Variants in PCLO observed in about 807,000 individuals in gnomAD.
PCLO encodes piccolo presynaptic cytomatrix protein.
PCLO carries 82 observed loss-of-function variants against 427.5 expected under a neutral mutation model. That is an observed-to-expected ratio of 0.19 (90% confidence interval 0.16 to 0.23). PCLO has a LOEUF of 0.23. Among genes scored for constraint, PCLO ranks in the 10% least tolerant of loss-of-function variants. PCLO has a pLI of 1.00. For synonymous variants in PCLO, 2,357 were observed against 2,155.4 expected (o/e 1.09, Z -2.59); for missense variants, 6,239 against 6,115.9 (o/e 1.02, Z -0.67).
At chr7:82,836,457 T>A (rs1792235766) in intron 15 of PCLO, among the ~76,000 whole-genome samples, 1 of 152,118 alleles carries the variant, frequency 6.6e-6, no homozygotes. Context: ...TATATATAGA[T>A]ATAAATGAAT....
At chr7:82,883,588 T>C (rs1052452114) in intron 9 of PCLO, among the ~76,000 whole-genome samples, 1 of 152,042 alleles carries the variant, frequency 6.6e-6, no homozygotes, top group Non-Finnish European at 1.5e-5. Context: ...TAACAATCCA[T>C]ATTTTACAGT....
chr7:82,897,772 CA>C (rs1339977033), intron 9 of PCLO, among the ~76,000 whole-genome samples: 2 of 151,412 alleles, frequency 1.3e-5, no homozygotes, highest in East Asian at 3.9e-4. Flanking sequence ...ATGCTGTACA[CA>C]TTTTTTTAAT....
intron 24 of PCLO, 80 bp from the exon 25 acceptor site, chr7:82,758,795 A>G: frequency 1.2e-6 from 1 of 825,842 alleles, no homozygotes; most frequent in South Asian, 1.7e-5. Flanking sequence ...TTTTAAGGAC[A>G]TTTAATCATC....
intron 16 of PCLO, among the ~76,000 whole-genome samples, chr7:82,829,292 C>A (rs1792030700): frequency 6.6e-6 from 1 of 152,128 alleles, no homozygotes; most frequent in Non-Finnish European, 1.5e-5. Context: ...GTGGGTCAGT[C>A]AACCCTCCAC....
chr7:83,079,054 A>G (rs1342002855), intron 3 of PCLO, among the ~76,000 whole-genome samples: 1 of 152,160 alleles, frequency 6.6e-6, no homozygotes, highest in East Asian at 1.9e-4. Context: ...ATACAAATTT[A>G]TAATAAATAA....
At chr7:83,097,960 T>C (rs1790637848) in intron 3 of PCLO, among the ~76,000 whole-genome samples, 1 of 152,142 alleles carries the variant, frequency 6.6e-6, no homozygotes, top group Non-Finnish European at 1.5e-5. Context: ...TCTGCATTTA[T>C]AATGTGACAC....
At chr7:83,102,294 G>A (rs10247382) in intron 3 of PCLO, among the ~76,000 whole-genome samples, 154 of 151,834 alleles carry the variant, frequency 1.0e-3, no homozygotes, top group African/African-American at 3.6e-3. Context: ...ATTTGTCTAC[G>A]TGATTGAAAA....
chr7:83,096,803 TAATATTATATAATATAAATATATAAAA>T (rs1167782017), intron 3 of PCLO, among the ~76,000 whole-genome samples: 646 of 89,528 alleles, frequency 7.2e-3, no homozygotes, highest in Non-Finnish European at 9.5e-3. Flanking sequence ...AAAAATATAT[TAATATTATATAATATAAATATATAAAA>T]ATATATTATA....
chr7:83,074,189 C>A (rs12707541), intron 3 of PCLO, among the ~76,000 whole-genome samples: 70,677 of 151,542 alleles, frequency 0.47, 16,634 homozygotes, highest in Middle Eastern at 0.5. Context: ...GTGTGAAATA[C>A]ATTTACTATT....
rs1795381871 is a variant in PCLO, at chr7:82,952,525, T to C, written c.8428A>G (p.Thr2810Ala). Residue 2810 changes from threonine to alanine, a missense_variant, in exon 5 of 25, where the codon ACA becomes GCA. By Grantham distance (58) the Thr-to-Ala change is moderately conservative. This residue lies in a region of PCLO where 4,677 missense variants were observed against 4,468.4 expected (regional missense o/e 1.05). Transcript: ENST00000333891. ...TGTTCTGCACCCACTAGGCTTTCTG[T>C]GCCTGTAGTGTAACTTGCACTAGCT... ...CTASASYTTGTESLVGAEHAM... is the reference protein window; with the variant it reads ...CTASASYTTGAESLVGAEHAM... 7 of 1,613,834 alleles carry C rather than the reference T, an allele frequency of 4.3e-6. No homozygotes were observed. Among genetic ancestry groups the C allele is most frequent in the Non-Finnish European group, 3.4e-6 (4 of 1,179,864 alleles).
chr7:82,914,463 A>G (rs1039763098), intron 7 of PCLO: 1 of 618,412 alleles, frequency 1.6e-6, no homozygotes, highest in Non-Finnish European at 2.9e-6. Context: ...AACAATCAAG[A>G]AACAGAACAA....
chr7:83,162,678 C>A lies in PCLO; in HGVS notation c.-86G>T. 3 of 1,445,646 alleles carry A rather than the reference C, an allele frequency of 2.1e-6. No homozygotes were observed. Among genetic ancestry groups the A allele is most frequent in the Non-Finnish European group, 2.7e-6 (3 of 1,101,558 alleles). 89.6% of individuals were successfully genotyped at this position (1,445,646 alleles called of 1,614,324 possible). A position where few individuals can be genotyped will look rare whatever the true frequency, so the allele number is the denominator to read the frequency against. ...CCGCGGCCAGGGGAGCAGTCAGAGC[C>A]GGGGTCCGCCTCGGGGCGTGCAGGC... On this transcript the variant is annotated 5_prime_UTR_variant, in exon 1 of 25. Coordinates refer to ENST00000333891, the MANE Select transcript of PCLO (RefSeq NM_033026.6).
In PCLO at chr7:82,965,890, A is replaced by T. The variant is rs1174934975; in HGVS notation, c.3898T>A (p.Ser1300Thr). 1 of 1,613,776 alleles carries T rather than the reference A, an allele frequency of 6.2e-7. No individual in the cohort carries two copies. The highest frequency in any genetic ancestry group is 1.1e-5 in the South Asian group (1 of 91,086). ...QPQTKMEGLP[S>T]GTPQSLPKED... ...TTAGGTAAACTCTGAGGTGTGCCAG[A>T]TGGTAAACCTTCCATCTTGGTCTGT... The change falls in exon 4 of 25, where the codon TCT becomes ACT. Residue 1300 changes from serine to threonine, a missense_variant. Physicochemically the swap from Ser to Thr is moderately conservative, Grantham distance 58 (BLOSUM62 1). Around this residue, in one of 5 missense-constraint regions of PCLO, gnomAD observed 4,677 missense variants for 4,468.4 expected, o/e 1.05. Coordinates refer to ENST00000333891, the MANE Select transcript of PCLO (RefSeq NM_033026.6).
At chr7:82,929,382 C>T (rs908409972) in intron 6 of PCLO, among the ~76,000 whole-genome samples, 1 of 152,068 alleles carries the variant, frequency 6.6e-6, no homozygotes, top group Non-Finnish European at 1.5e-5. Context: ...TTGCGTCACT[C>T]CTAAGTGGCA....
chr7:83,135,631 C>T lies in PCLO; in HGVS notation c.1919G>A (p.Cys640Tyr). The T allele has an allele frequency of 6.2e-7, 1 of 1,603,878 alleles. No individual in the cohort carries two copies. The highest frequency in any genetic ancestry group is 8.5e-7 in the Non-Finnish European group (1 of 1,174,622). ...CCCGCCTAGAGCTCTTTTCATTTGA[C>T]AGTTCAAACAGAGCCACTCTTTTAC... Reference protein sequence around the residue: ...TEVKEWLCLNCQMKRALGGDL... With the variant: ...TEVKEWLCLNYQMKRALGGDL... Residue 640 changes from cysteine to tyrosine, a missense_variant, in exon 3 of 25, where the codon TGT (cysteine) becomes TAT (tyrosine). Around this residue, in one of 5 missense-constraint regions of PCLO, gnomAD observed 4,677 missense variants for 4,468.4 expected, o/e 1.05. Coordinates refer to ENST00000333891, the MANE Select transcript of PCLO (RefSeq NM_033026.6).
rs372968778 is a variant in PCLO, at chr7:83,155,273, G to C, written c.1368C>G (p.Pro456=). 6.2e-7 allele frequency: 1 copy of C among 1,613,584 alleles called. No homozygotes were observed. Among genetic ancestry groups the C allele is most frequent in the African/African-American group, 1.3e-5 (1 of 74,830 alleles). Residue 456 remains proline, a synonymous_variant, in exon 2 of 25, where the codon CCC becomes CCG. Coordinates refer to ENST00000333891, the MANE Select transcript of PCLO (RefSeq NM_033026.6). ...CAGTCTGCTGGGCAGAAGTCTTTCC[G>C]GGTCCTGCCTGTTGAGCTGGAATCT... is the stretch of plus-strand genomic sequence containing the variant. ...PGKIPAQQAG[P]GKTSAQQTGP...
At chr7:83,034,826 G>A (rs926108197) in intron 3 of PCLO, among the ~76,000 whole-genome samples, 1 of 152,096 alleles carries the variant, frequency 6.6e-6, no homozygotes, top group Non-Finnish European at 1.5e-5. Context: ...GATTCTATTT[G>A]CAACAGAGAA....
chr7:82,909,915 A>G (rs969887801), intron 7 of PCLO, among the ~76,000 whole-genome samples: 1 of 152,120 alleles, frequency 6.6e-6, no homozygotes, highest in Non-Finnish European at 1.5e-5. Flanking sequence ...ATGCAACTAT[A>G]TTTAAGGTAC....
At chr7:83,131,793 A>G (rs1486994224) in intron 3 of PCLO, among the ~76,000 whole-genome samples, 1 of 152,034 alleles carries the variant, frequency 6.6e-6, no homozygotes, top group Non-Finnish European at 1.5e-5. Flanking sequence ...GACACACAAC[A>G]AAGATCTGGG....
Sources: allele counts gnomAD v4.1 joint callset (sites outside exome capture counted in the v4.1 genomes callset), GRCh38; gene constraint gnomAD v4.1.1; regional missense constraint gnomAD v4.1.1; transcripts MANE v1.5; gene names NCBI Gene and HGNC (gene_info 2026-07-23, HGNC 2026-07-21).